MYBL1: variants seen among roughly 807,000 people sequenced by gnomAD.
MYBL1 encodes the protein MYB proto-oncogene like 1, also known as myb-related protein A.
MYBL1 carries 17 observed loss-of-function variants against 96.3 expected under a neutral mutation model. The observed-to-expected ratio is 0.18, with a 90% CI of 0.12 to 0.26. The LOEUF (loss-of-function observed/expected upper bound fraction) is 0.26, where lower values mean the gene tolerates loss of function less well. MYBL1 is among the 10% of genes least tolerant of loss of function. The pLI, the probability that MYBL1 is intolerant of heterozygous loss-of-function variation, is 1.00. For missense variants in MYBL1, 701 were observed against 882.9 expected (o/e 0.79, Z 2.61); for synonymous variants, 282 against 292.7 (o/e 0.96, Z 0.37).
At chr8:66,596,214 A>C (rs1391048042) in intron 5 of MYBL1, among the ~76,000 whole-genome samples, 1 of 152,216 alleles carries the variant, frequency 6.6e-6, no homozygotes, top group African/African-American at 2.4e-5. Context: ...CCAGATAAAG[A>C]GTATAGCAAG....
intron 5 of MYBL1, among the ~76,000 whole-genome samples, chr8:66,596,295 C>T (rs1387016549): frequency 6.6e-6 from 1 of 152,090 alleles, no homozygotes; most frequent in African/African-American, 2.4e-5. Context: ...TCCCAGTATT[C>T]TTTTTCACTT....
chr8:66,579,271 G>T (rs936984215), intron 9 of MYBL1, among the ~76,000 whole-genome samples: 7 of 151,412 alleles, frequency 4.6e-5, no homozygotes, highest in Middle Eastern at 3.4e-3. Context: ...TTAAAAAAAT[G>T]AAAAAGTAGA....
chr8:66,585,788 G>C (rs1809395320), intron 8 of MYBL1, among the ~76,000 whole-genome samples: 1 of 152,004 alleles, frequency 6.6e-6, no homozygotes, highest in South Asian at 2.1e-4. Context: ...GACATTGTTT[G>C]GGCAAAAATT....
chr8:66,569,647 A>G (rs1181314881), intron 12 of MYBL1, among the ~76,000 whole-genome samples: 1 of 152,140 alleles, frequency 6.6e-6, no homozygotes, highest in African/African-American at 2.4e-5. Flanking sequence ...CACTGCATCC[A>G]GCCCACATTT....
At chr8:66,595,527 C>G in intron 6 of MYBL1, 56 bp downstream of exon 6, 1 of 1,128,248 alleles carries the variant, frequency 8.9e-7, no homozygotes, top group Non-Finnish European at 1.2e-6. Context: ...CAAACATCTT[C>G]CCATATAGCA....
rs1810602824 is a variant in MYBL1, at chr8:66,613,106, C to G, written c.-268G>C. On this transcript the variant is annotated 5_prime_UTR_variant, in exon 1 of 16. Coordinates refer to ENST00000522677, the MANE Select transcript of MYBL1 (RefSeq NM_001080416.4). ...CCCCCAACATGTCAGGAGGCGCGAT[C>G]CCGCCCTCCGCCGGCTTCTCCCGCC... 2.5e-6 allele frequency: 1 copy of G among 404,656 alleles called. No homozygotes were observed. Among genetic ancestry groups the G allele is most frequent in the East Asian group, 3.6e-5 (1 of 28,092 alleles). 25.1% of individuals were successfully genotyped at this position (404,656 alleles called of 1,614,324 possible).
intron 4 of MYBL1, 121 bp downstream of exon 4, chr8:66,598,929 T>A: frequency 2.0e-6 from 1 of 511,046 alleles, no homozygotes; most frequent in Admixed American, 4.4e-5. Flanking sequence ...CTTATGCAAG[T>A]AGCCTCCGGA....
chr8:66,578,060 A>G (rs1180538681), intron 9 of MYBL1, among the ~76,000 whole-genome samples: 2 of 152,186 alleles, frequency 1.3e-5, no homozygotes, highest in African/African-American at 4.8e-5. Context: ...CCTTCCTTAC[A>G]CCTTATACAA....
chr8:66,564,639 C>A lies in MYBL1; in HGVS notation c.*58G>T, dbSNP rs1281773240. The A allele has an allele frequency of 2.3e-5, 32 of 1,386,872 alleles. No homozygotes were observed. The East Asian group carries it at 8.1e-4, about 35-fold the overall frequency. The allele number at this position is 1,386,872 out of a possible 1,614,324, so 85.9% of individuals were successfully genotyped here. The stretch of plus-strand genomic sequence containing the variant: ...CTAATTGAGAAAAATTTCACTGCAA[C>A]CTAATTTAGTAGAGACTGCAGTAAG... On this transcript the variant is annotated 3_prime_UTR_variant, in exon 16 of 16. Coordinates refer to ENST00000522677, the MANE Select transcript of MYBL1 (RefSeq NM_001080416.4).
At chr8:66,586,051 T>G (rs1809407502) in intron 8 of MYBL1, among the ~76,000 whole-genome samples, 1 of 147,224 alleles carries the variant, frequency 6.8e-6, no homozygotes, top group Non-Finnish European at 1.5e-5. Context: ...TGTTTTTTTT[T>G]TTTTTTTTTT....
intron 1 of MYBL1, among the ~76,000 whole-genome samples, 176 bp from the exon 2 acceptor site, chr8:66,602,699 CTATATA>C (rs67236935): frequency 0.039 from 1,072 of 27,224 alleles, 63 homozygotes; most frequent in Middle Eastern, 0.1. Flanking sequence ...TGGGGTGGAG[CTATATA>C]TATATATATA....
intron 10 of MYBL1, among the ~76,000 whole-genome samples, chr8:66,574,403 T>C (rs1808854332): frequency 1.3e-5 from 2 of 152,170 alleles, no homozygotes; most frequent in African/African-American, 4.8e-5. Flanking sequence ...CTTCACTTTC[T>C]CCAGTGCTTT....
chr8:66,566,650 T>C, intron 14 of MYBL1, 34 bp downstream of exon 14: 1 of 1,413,142 alleles, frequency 7.1e-7, no homozygotes, highest in African/African-American at 1.4e-5. Flanking sequence ...AAAGCAACCA[T>C]TTAAAATAAC....
chr8:66,596,566 T>C (rs1461203633), intron 5 of MYBL1, among the ~76,000 whole-genome samples: 1 of 152,194 alleles, frequency 6.6e-6, no homozygotes, highest in African/African-American at 2.4e-5. Context: ...TATGCCTTAA[T>C]ATCTTATCTA....
rs779617320 is a variant in MYBL1 at position 66,594,090 on chromosome 8, C to T, written c.688-896G>A. ...GGTTGAGGCTGCAGCGAGCTGTGTG[C>T]GCACCACTGCATTCCAGCCTGGTAA... is the stretch of plus-strand genomic sequence containing the variant. On this transcript the variant is annotated intron_variant, in intron 6 of 15. Transcript: ENST00000522677. Among the ~76,000 whole-genome samples, 172 of 151,654 alleles carry T rather than the reference C, an allele frequency of 1.1e-3. 1 individual carries two copies. The highest frequency in any genetic ancestry group is 1.9e-3 in the Non-Finnish European group (126 of 67,938).
intron 8 of MYBL1, among the ~76,000 whole-genome samples, chr8:66,590,810 A>C (rs1156786655): frequency 6.6e-6 from 1 of 152,182 alleles, no homozygotes; most frequent in Non-Finnish European, 1.5e-5. Flanking sequence ...TAAAGAATAC[A>C]AAATCACAGC....
At chr8:66,576,494 T>G in intron 9 of MYBL1, 119 bp from the exon 10 acceptor site, 1 of 1,204,018 alleles carries the variant, frequency 8.3e-7, no homozygotes, top group Non-Finnish European at 1.1e-6. Flanking sequence ...GTAAAAATGC[T>G]TTCCTTGGAC....
intron 1 of MYBL1, among the ~76,000 whole-genome samples, chr8:66,608,978 A>T (rs1810425665): frequency 6.6e-6 from 1 of 152,142 alleles, no homozygotes; most frequent in African/African-American, 2.4e-5. Flanking sequence ...TGTCTAATAC[A>T]TAACCAAACT....
At chr8:66,578,472 T>G (rs1308580844) in intron 9 of MYBL1, among the ~76,000 whole-genome samples, 1 of 151,248 alleles carries the variant, frequency 6.6e-6, no homozygotes, top group Non-Finnish European at 1.5e-5. Context: ...CAAAAGACAC[T>G]TGAAAAAATG....
Sources: gnomAD v4.1 joint callset for allele counts (sites outside exome capture counted in the v4.1 genomes callset) on GRCh38, gnomAD v4.1.1 for gene constraint, MANE v1.5 for transcripts, NCBI Gene and HGNC (gene_info 2026-07-23, HGNC 2026-07-21) for gene names.